RASSF6: variants seen among roughly 807,000 people sequenced by gnomAD.
RASSF6 encodes the protein Ras association domain family member 6, also known as ras association domain-containing protein 6.
A neutral mutation model predicts 44.0 loss-of-function variants in RASSF6; 52 were observed. That is an observed-to-expected ratio of 1.18 (90% CI 0.95 to 1.49). The LOEUF is 1.49. RASSF6 is among the 40% of genes most tolerant of loss of function. RASSF6 has a pLI of 0.00. For synonymous variants in RASSF6, 162 were observed against 124.6 expected, an observed-to-expected ratio of 1.30 and a Z score of -2.00; for missense variants, 464 against 393.3, an observed-to-expected ratio of 1.18 and a Z score of -1.52.
At chr4:73,598,489 C>T (rs1725077390) in intron 3 of RASSF6, 151 bp downstream of exon 3, 2 of 487,624 alleles carry the variant, frequency 4.1e-6, no homozygotes, top group Admixed American at 4.2e-5. Context: ...CTCAAAAATG[C>T]TTAGAAAGTC....
intron 5 of RASSF6, among the ~76,000 whole-genome samples, chr4:73,587,093 C>T (rs1724154987): frequency 6.6e-6 from 1 of 151,986 alleles, no homozygotes; most frequent in South Asian, 2.1e-4. Context: ...CTCTTTGAAT[C>T]TTATGTGTTT....
intron 1 of RASSF6, chr4:73,615,984 G>T: frequency 4.1e-6 from 6 of 1,480,890 alleles, no homozygotes; most frequent in Non-Finnish European, 5.5e-6. Context: ...GTAACTTCCT[G>T]TTATCCAACC....
At chr4:73,578,030 G>GGTCCCT (rs569810768) in intron 8 of RASSF6, among the ~76,000 whole-genome samples, 12 of 762 alleles carry the variant, frequency 0.016, no homozygotes, top group Non-Finnish European at 0.035. Flanking sequence ...GCTCTCTTCT[G>GGTCCCT]ACCTAGTTAT....
intron 1 of RASSF6, chr4:73,616,003 A>G (rs1053134707): frequency 7.2e-7 from 1 of 1,384,522 alleles, no homozygotes; most frequent in African/African-American, 1.4e-5. Context: ...CCATGAGTTA[A>G]TTAAATGGTT....
intron 2 of RASSF6, among the ~76,000 whole-genome samples, chr4:73,599,295 C>G (rs1725132811): frequency 6.6e-6 from 1 of 152,224 alleles, no homozygotes; most frequent in Non-Finnish European, 1.5e-5. Flanking sequence ...GGTGAAGCAA[C>G]AGTAAGCAAA....
intron 1 of RASSF6, chr4:73,615,900 TGTGACCAGAATGAG>T: frequency 1.9e-6 from 3 of 1,550,470 alleles, no homozygotes; most frequent in Non-Finnish European, 2.6e-6. Context: ...CCAGTTGCCT[TGTGACCAGAATGAG>T]GCCAGAGGAC....
chr4:73,602,590 C>CTAAG (rs10643352), intron 2 of RASSF6, among the ~76,000 whole-genome samples: 150,197 of 152,250 alleles, frequency 0.99, 74,112 homozygotes, highest in East Asian at 1. Flanking sequence ...TAGGGTCCAC[C>CTAAG]TGTTACATGC....
At position 73,593,610 on chromosome 4, in the gene RASSF6, T is replaced by C; in HGVS notation, c.145-17A>G. Reference sequence around the variant, plus strand: ...ATCTTCAGTCTAAGGAAGAAATGAATAATCCCCCAATTGTTTTTGTATTAT... The same window carrying C: ...ATCTTCAGTCTAAGGAAGAAATGAACAATCCCCCAATTGTTTTTGTATTAT... On this transcript the variant is annotated splice_polypyrimidine_tract_variant and intron_variant, in intron 3 of 10. Transcript: ENST00000307439. The C allele has an allele frequency of 6.2e-7, 1 of 1,601,280 alleles. No homozygotes were observed. The highest frequency in any genetic ancestry group is 8.5e-7 in the Non-Finnish European group (1 of 1,172,638).
At chr4:73,591,689 G>C (rs1048362542) in intron 4 of RASSF6, among the ~76,000 whole-genome samples, 8 of 152,224 alleles carry the variant, frequency 5.3e-5, no homozygotes, top group African/African-American at 1.7e-4. Flanking sequence ...TAGGCCCTGA[G>C]CCCTAAGCTC....
chr4:73,593,547 C>A lies in RASSF6; in HGVS notation c.191G>T (p.Trp64Leu). ...LIVEGMLDIF[W>L]GVKRPIQLKI... ...TAGCTGTATAGGTCGTTTTACTCCC[C>A]AGAAAATGTCCAGCATTCCTTCAAC... Residue 64 changes from tryptophan (W) to leucine (L), a missense_variant, in exon 4 of 11, where the codon TGG (tryptophan) becomes TTG (leucine). Physicochemically the swap from Trp to Leu is moderately conservative, Grantham distance 61. Transcript: ENST00000307439. 6.2e-7 allele frequency: 1 copy of A among 1,613,608 alleles called. No individual in the cohort carries two copies. Among genetic ancestry groups the A allele is most frequent in the Non-Finnish European group, 8.5e-7 (1 of 1,179,802 alleles).
At chr4:73,617,950 C>T (rs897944967) in intron 1 of RASSF6, among the ~76,000 whole-genome samples, 6 of 152,100 alleles carry the variant, frequency 3.9e-5, no homozygotes, top group African/African-American at 1.4e-4. Flanking sequence ...ACCTACATTG[C>T]AATCAATGAA....
chr4:73,583,773 G>A (rs1010612188), intron 6 of RASSF6, among the ~76,000 whole-genome samples: 2 of 152,034 alleles, frequency 1.3e-5, no homozygotes, highest in Admixed American at 1.3e-4. Flanking sequence ...TTTTGTGCCA[G>A]GTACTATTCT....
At chr4:73,610,392 C>T (rs951603760) in intron 2 of RASSF6, among the ~76,000 whole-genome samples, 6 of 152,206 alleles carry the variant, frequency 3.9e-5, no homozygotes, top group Non-Finnish European at 8.8e-5. Context: ...GTTCTTAACA[C>T]AGCAGCTAGA....
chr4:73,585,320 C>T lies in RASSF6; in HGVS notation c.427G>A (p.Asp143Asn), dbSNP rs1578026817. ...TAGAGCACTGGGGAGTCTGGTTCAT[C>T]CTTTGCATGTGGCTTCAGGGTGTTG... ...HSNTLKPHAK[D>N]EPDSPVLYRT... Residue 143 changes from aspartate (D) to asparagine (N), a missense_variant, in exon 6 of 11, where the codon GAT becomes AAT. Physicochemically the swap from Asp to Asn is conservative, Grantham distance 23. Coordinates refer to ENST00000307439, the MANE Select transcript of RASSF6 (RefSeq NM_177532.5). 1 of 1,608,962 alleles carries T rather than the reference C, an allele frequency of 6.2e-7. No individual in the cohort carries two copies.
rs1396000949 is a variant in RASSF6, at chr4:73,598,649, T to A, written c.135A>T (p.Leu45Phe). The change falls in exon 3 of 11, where the codon TTA becomes TTT. Residue 45 changes from leucine (L) to phenylalanine (F), a missense_variant. Physicochemically the swap from Leu to Phe is conservative, Grantham distance 22. Coordinates refer to ENST00000307439, the MANE Select transcript of RASSF6 (RefSeq NM_177532.5). ...FYENQKNLHI[L>F]YGETEDGKLI... ...TCTTCAGTGGGCTTACCTCTCCATA[T>A]AAAATATGCAGATTTTTCTGGTTCT... 8 of 1,528,862 alleles carry A rather than the reference T, an allele frequency of 5.2e-6. No homozygotes were observed. Among genetic ancestry groups the A allele is most frequent in the Non-Finnish European group, 7.2e-6 (8 of 1,116,816 alleles). The allele number at this position is 1,528,862 out of a possible 1,614,324, so 94.7% of individuals were successfully genotyped here. A position where few individuals can be genotyped will look rare whatever the true frequency, so the allele number is the denominator to read the frequency against.
chr4:73,595,874 T>G (rs1724907112), intron 3 of RASSF6, among the ~76,000 whole-genome samples: 1 of 152,030 alleles, frequency 6.6e-6, no homozygotes, highest in South Asian at 2.1e-4. Flanking sequence ...AAGGCCAGAG[T>G]GCTTTGTAAA....
intron 8 of RASSF6, among the ~76,000 whole-genome samples, chr4:73,579,581 G>A (rs1247666): frequency 0.99 from 150,194 of 152,230 alleles, 74,121 homozygotes; most frequent in Middle Eastern, 1. Flanking sequence ...TGGTTATTAT[G>A]GTTTTTCCTT....
chr4:73,588,947 T>C (rs1466856730), intron 4 of RASSF6, among the ~76,000 whole-genome samples: 1 of 152,134 alleles, frequency 6.6e-6, no homozygotes, highest in Non-Finnish European at 1.5e-5. Flanking sequence ...GTTTTTCTTA[T>C]GACTAAAATA....
rs1186900725 is a variant in RASSF6, at chr4:73,587,821, A to G, written c.382+19T>C. On this transcript the variant is annotated intron_variant, in intron 5 of 10. Transcript: ENST00000307439. ...AATTAAAAATTAAGTCTCCCAATCA[A>G]TAAGATTTTGATACTGACCTTCCTG... The G allele has an allele frequency of 9.2e-6, 14 of 1,527,564 alleles. No homozygotes were observed. The highest frequency in any genetic ancestry group is 1.3e-5 in the Non-Finnish European group (14 of 1,103,298). 94.6% of individuals were successfully genotyped at this position (1,527,564 alleles called of 1,614,324 possible).
Sources: allele counts gnomAD v4.1 joint callset (sites outside exome capture counted in the v4.1 genomes callset), GRCh38; gene constraint gnomAD v4.1.1; transcripts MANE v1.5; gene names NCBI Gene and HGNC (gene_info 2026-07-23, HGNC 2026-07-21).